Variants in ZFAND3 observed in about 807,000 individuals in gnomAD.
ZFAND3 encodes AN1-type zinc finger protein 3.
A neutral mutation model predicts 29.6 loss-of-function variants in ZFAND3; 10 were observed. The ratio of observed to expected loss-of-function variants is 0.34; its 90% CI spans 0.21 to 0.57. The LOEUF is 0.57. Ranked by LOEUF, ZFAND3 falls within the 20% of genes least tolerant of loss-of-function variation. The pLI, the probability that ZFAND3 is intolerant of heterozygous loss-of-function variation, is 0.86. For missense variants in ZFAND3, 230 were observed against 304.5 expected (o/e 0.76, Z 1.82); for synonymous variants, 128 against 112.6 (o/e 1.14, Z -0.87).
chr6:38,051,430 T>C (rs1451956430), intron 2 of ZFAND3, among the ~76,000 whole-genome samples: 1 of 152,204 alleles, frequency 6.6e-6, no homozygotes, highest in Non-Finnish European at 1.5e-5. Flanking sequence ...AAGCCTTAGG[T>C]CTGGGGTAAA....
intron 2 of ZFAND3, among the ~76,000 whole-genome samples, chr6:38,026,349 T>C (rs1763447042): frequency 6.6e-6 from 1 of 151,890 alleles, no homozygotes; most frequent in African/African-American, 2.4e-5. Flanking sequence ...TCTCAGAGGA[T>C]GATTACTTAG....
At chr6:38,050,111 C>T (rs185483283) in intron 2 of ZFAND3, among the ~76,000 whole-genome samples, 99 of 151,648 alleles carry the variant, frequency 6.5e-4, no homozygotes, top group African/African-American at 2.2e-3. Flanking sequence ...CACGTCACCA[C>T]GCCTGGCTGA....
At chr6:37,872,888 A>G (rs889092233) in intron 1 of ZFAND3, among the ~76,000 whole-genome samples, 23 of 152,368 alleles carry the variant, frequency 1.5e-4, no homozygotes, top group African/African-American at 5.3e-4. Context: ...CAACCTTAGT[A>G]CATGCTGCCA....
intron 3 of ZFAND3, among the ~76,000 whole-genome samples, chr6:38,069,154 C>G (rs1315567032): frequency 6.6e-6 from 1 of 152,210 alleles, no homozygotes; most frequent in Non-Finnish European, 1.5e-5. Flanking sequence ...CTAATAATCT[C>G]TAAATGAAAC....
At chr6:37,944,001 T>C (rs960185595) in intron 2 of ZFAND3, among the ~76,000 whole-genome samples, 3 of 152,224 alleles carry the variant, frequency 2.0e-5, no homozygotes, top group African/African-American at 7.2e-5. Context: ...TAGATACTGC[T>C]TTAGGATTGT....
chr6:37,986,799 C>T (rs1223958725), intron 2 of ZFAND3, among the ~76,000 whole-genome samples: 2 of 151,910 alleles, frequency 1.3e-5, no homozygotes, highest in Non-Finnish European at 2.9e-5. Context: ...GCATATTTTC[C>T]CCTCATTAAG....
At chr6:37,992,526 T>G (rs1381426852) in intron 2 of ZFAND3, among the ~76,000 whole-genome samples, 1 of 152,194 alleles carries the variant, frequency 6.6e-6, no homozygotes, top group Admixed American at 6.5e-5. Context: ...CTCCCTTTGT[T>G]TTTTTGCTGT....
chr6:38,108,101 A>G (rs1321931638), intron 4 of ZFAND3, among the ~76,000 whole-genome samples: 2 of 152,134 alleles, frequency 1.3e-5, no homozygotes, highest in East Asian at 3.9e-4. Flanking sequence ...AATATTAAAT[A>G]TTGTGTGACA....
At chr6:37,917,994 G>A (rs1349612566) in intron 1 of ZFAND3, among the ~76,000 whole-genome samples, 1 of 152,112 alleles carries the variant, frequency 6.6e-6, no homozygotes, top group African/African-American at 2.4e-5. Context: ...TCCATATTTT[G>A]TAGATGTTCT....
intron 2 of ZFAND3, among the ~76,000 whole-genome samples, chr6:37,963,736 C>T (rs565680071): frequency 6.6e-6 from 1 of 152,236 alleles, no homozygotes; most frequent in South Asian, 2.1e-4. Context: ...CCTTTTCTTT[C>T]TTTGACTTTC....
chr6:37,891,091 C>T (rs763494449), intron 1 of ZFAND3, among the ~76,000 whole-genome samples: 32 of 152,174 alleles, frequency 2.1e-4, no homozygotes, highest in Non-Finnish European at 3.1e-4. Flanking sequence ...CCCCCAAACC[C>T]GGAGTCCTCA....
At chr6:38,032,133 T>C (rs1763573822) in intron 2 of ZFAND3, among the ~76,000 whole-genome samples, 1 of 152,166 alleles carries the variant, frequency 6.6e-6, no homozygotes, top group Non-Finnish European at 1.5e-5. Flanking sequence ...ATGCCTGGCC[T>C]GTATGCTGCA....
chr6:38,045,510 T>C (rs924447257), intron 2 of ZFAND3, among the ~76,000 whole-genome samples: 1 of 152,210 alleles, frequency 6.6e-6, no homozygotes, highest in Admixed American at 6.5e-5. Flanking sequence ...CTAATGCAGT[T>C]CATGTAAAAT....
At chr6:38,146,737 T>TG (rs1345782325) in intron 5 of ZFAND3, among the ~76,000 whole-genome samples, 1 of 152,180 alleles carries the variant, frequency 6.6e-6, no homozygotes, top group Non-Finnish European at 1.5e-5. Context: ...TCTCTCTTTT[T>TG]GGGGGGTGAG....
intron 2 of ZFAND3, among the ~76,000 whole-genome samples, chr6:38,057,938 A>G (rs568520280): frequency 6.6e-6 from 1 of 152,288 alleles, no homozygotes; most frequent in African/African-American, 2.4e-5. Context: ...TGATGTTATG[A>G]CACCATCACC....
At chr6:38,128,807 A>G (rs1432444908) in intron 5 of ZFAND3, among the ~76,000 whole-genome samples, 2 of 152,186 alleles carry the variant, frequency 1.3e-5, no homozygotes, top group Non-Finnish European at 2.9e-5. Flanking sequence ...ATAAACATCC[A>G]TGTGCAAGTA....
intron 2 of ZFAND3, among the ~76,000 whole-genome samples, chr6:37,959,532 A>G (rs1296298035): frequency 6.6e-6 from 1 of 152,140 alleles, no homozygotes; most frequent in African/African-American, 2.4e-5. Flanking sequence ...TGCTTTACTG[A>G]ATGTCAGTTT....
intron 1 of ZFAND3, among the ~76,000 whole-genome samples, chr6:37,876,234 C>T (rs1764790427): frequency 6.6e-6 from 1 of 152,084 alleles, no homozygotes; most frequent in African/African-American, 2.4e-5. Flanking sequence ...ATTTCTGTTC[C>T]AAGTTTTGTT....
chr6:38,099,757 G>A (rs1765056784), intron 4 of ZFAND3, among the ~76,000 whole-genome samples: 1 of 152,140 alleles, frequency 6.6e-6, no homozygotes, highest in Non-Finnish European at 1.5e-5. Context: ...TGGGTCCCAA[G>A]GTATATATGT....
Sources: gnomAD v4.1 joint callset for allele counts (sites outside exome capture counted in the v4.1 genomes callset) on GRCh38, gnomAD v4.1.1 for gene constraint, MANE v1.5 for transcripts, NCBI Gene and HGNC (gene_info 2026-07-23, HGNC 2026-07-21) for gene names.